SLIT3: variants seen among roughly 807,000 people sequenced by gnomAD.
The protein encoded by SLIT3 is slit homolog 3 protein.
Under a neutral mutation model 184.0 loss-of-function variants are expected in SLIT3, and 68 were observed. The ratio of observed to expected loss-of-function variants is 0.37; its 90% CI spans 0.30 to 0.45. The LOEUF is 0.45. Ranked by LOEUF, SLIT3 falls within the 20% of genes least tolerant of loss-of-function variation. The pLI is 1.00. For missense variants in SLIT3, 1,707 were observed against 2,026.0 expected (o/e 0.84, Z 3.02); for synonymous variants, 831 against 828.6 (o/e 1.00, Z -0.05).
intron 20 of SLIT3, among the ~76,000 whole-genome samples, chr5:168,735,494 T>A (rs1292412672): frequency 6.6e-6 from 1 of 152,164 alleles, no homozygotes; most frequent in African/African-American, 2.4e-5. Flanking sequence ...TTAACCTCTT[T>A]GAGCTTACAT....
At chr5:168,962,926 G>A (rs80348323) in intron 4 of SLIT3, among the ~76,000 whole-genome samples, 1,973 of 152,198 alleles carry the variant, frequency 0.013, 36 homozygotes, top group African/African-American at 0.042. Flanking sequence ...CACAGCAGCC[G>A]TTCCTTCCCC....
At chr5:168,686,843 G>T in intron 30 of SLIT3, 136 bp downstream of exon 30, 1 of 939,134 alleles carries the variant, frequency 1.1e-6, no homozygotes, top group Non-Finnish European at 1.6e-6. Flanking sequence ...GGTATCAGGG[G>T]AATAAAGGCA....
chr5:168,914,195 G>C (rs558741109), intron 4 of SLIT3, among the ~76,000 whole-genome samples: 1 of 152,320 alleles, frequency 6.6e-6, no homozygotes, highest in Non-Finnish European at 1.5e-5. Flanking sequence ...GGGACTGCTT[G>C]GTCAAAAAGG....
At chr5:169,244,570 G>A in intron 3 of SLIT3, 135 bp downstream of exon 3, 1 of 693,028 alleles carries the variant, frequency 1.4e-6, no homozygotes, top group Admixed American at 2.4e-5. Context: ...AAGTATAATA[G>A]CAAACATTCT....
rs537484475 is a variant in SLIT3 at position 169,254,142 on chromosome 5, C to T, written c.198-2683G>A. Among the ~76,000 whole-genome samples, 25 of 152,296 alleles carry T rather than the reference C, an allele frequency of 1.6e-4. No homozygotes were observed. In the South Asian group the frequency reaches 4.4e-3, roughly 27 times the overall value. On this transcript the variant is annotated intron_variant, in intron 1 of 35. Transcript: ENST00000519560. ...GAGTAACTTACTTACATTCTCTGGG[C>T]CTGCATGCTTTGTAGGAGCTTTGTC... is the stretch of plus-strand genomic sequence containing the variant.
Position 168,809,350 on chromosome 5 carries a change from C to A in SLIT3, c.794-2763G>T, listed in dbSNP as rs534401894. Among the ~76,000 whole-genome samples the A allele has an allele frequency of 1.2e-4, 18 of 152,316 alleles. No homozygotes were observed. The East Asian group carries it at 3.5e-3, about 29-fold the overall frequency. On this transcript the variant is annotated intron_variant, in intron 8 of 35. Coordinates refer to ENST00000519560, the MANE Select transcript of SLIT3 (RefSeq NM_003062.4). ...AGATTCCTTAACCAGGTCACTAACA[C>A]CACCTTTAATTAGGCAGAGAGAAAC...
intron 8 of SLIT3, among the ~76,000 whole-genome samples, chr5:168,810,278 C>T (rs1414188044): frequency 6.6e-6 from 1 of 152,228 alleles, no homozygotes; most frequent in Non-Finnish European, 1.5e-5. Context: ...ATGAAAGCAT[C>T]TGTCTGCATG....
intron 4 of SLIT3, among the ~76,000 whole-genome samples, chr5:168,920,900 T>C (rs1761615736): frequency 6.6e-6 from 1 of 152,182 alleles, no homozygotes; most frequent in African/African-American, 2.4e-5. Context: ...ATTGCATAAA[T>C]ACCCACCACA....
chr5:168,955,168 C>T (rs1449302787), intron 4 of SLIT3, among the ~76,000 whole-genome samples: 5 of 152,158 alleles, frequency 3.3e-5, no homozygotes, highest in Non-Finnish European at 7.3e-5. Context: ...CAGATTTCAA[C>T]AAGAGCAATT....
intron 4 of SLIT3, among the ~76,000 whole-genome samples, chr5:168,960,762 T>C (rs1025112467): frequency 1.5e-4 from 23 of 152,244 alleles, no homozygotes; most frequent in Non-Finnish European, 1.5e-5. Context: ...AAACCCGAGT[T>C]ATGATTGGTG....
intron 5 of SLIT3, among the ~76,000 whole-genome samples, chr5:168,870,482 C>T (rs374002918): frequency 3.9e-5 from 6 of 152,236 alleles, no homozygotes; most frequent in African/African-American, 1.4e-4. Flanking sequence ...AGACCCTCAA[C>T]CTTGGAGTTG....
At chr5:169,234,201 C>G (rs1354753997) in intron 3 of SLIT3, among the ~76,000 whole-genome samples, 3 of 152,174 alleles carry the variant, frequency 2.0e-5, no homozygotes, top group African/African-American at 4.8e-5. Flanking sequence ...CTTTGTAGCT[C>G]TACATCCTCC....
At chr5:168,856,820 CG>C (rs1758897358) in intron 5 of SLIT3, among the ~76,000 whole-genome samples, 1 of 150,254 alleles carries the variant, frequency 6.7e-6, no homozygotes, top group African/African-American at 2.5e-5. Context: ...CGCGCGCGCA[CG>C]CCTTTGTTCA....
rs1401298458 is a variant in SLIT3 at position 168,685,719 on chromosome 5, T to C, written c.3523A>G (p.Lys1175Glu). The C allele has an allele frequency of 2.5e-6, 4 of 1,577,468 alleles. No homozygotes were observed. Among genetic ancestry groups the C allele is most frequent in the Non-Finnish European group, 3.5e-6 (4 of 1,158,252 alleles). ...KDSYVELASA[K>E]VRPQANISLQ... is the part of the protein sequence containing the mutation. The stretch of plus-strand genomic sequence containing the variant: ...GAGATGTTGGCCTGGGGTCGGACCT[T>C]GGCGGAGGCCAGTTCCACGTAGGAG... The change falls in exon 31 of 36, where the codon AAG (lysine) becomes GAG (glutamate). Residue 1175 changes from lysine to glutamate, a missense_variant. By Grantham distance (56) the Lys-to-Glu change is moderately conservative. Coordinates refer to ENST00000519560, the MANE Select transcript of SLIT3 (RefSeq NM_003062.4).
chr5:169,030,858 T>C (rs146425350), intron 4 of SLIT3, among the ~76,000 whole-genome samples: 2,697 of 152,264 alleles, frequency 0.018, 31 homozygotes, highest in Non-Finnish European at 0.025. Context: ...CGTGGTATGG[T>C]TGGGAATAGA....
chr5:168,843,036 C>T (rs1758323449), intron 6 of SLIT3, among the ~76,000 whole-genome samples: 1 of 152,164 alleles, frequency 6.6e-6, no homozygotes, highest in Non-Finnish European at 1.5e-5. Flanking sequence ...GGCAGACGGG[C>T]ATTTGTTGCC....
chr5:168,793,783 G>A (rs1185178275), intron 10 of SLIT3, among the ~76,000 whole-genome samples: 4 of 99,920 alleles, frequency 4.0e-5, no homozygotes, highest in East Asian at 5.7e-4. Context: ...TAATCAAGCT[G>A]AGCTTTAAAA....
chr5:169,002,308 A>C, intron 4 of SLIT3, among the ~76,000 whole-genome samples: 1 of 133,296 alleles, frequency 7.5e-6, no homozygotes, highest in East Asian at 2.3e-4. Flanking sequence ...GAGCAACAGA[A>C]CGAGACTCTG....
At chr5:169,208,827 T>C (rs1006028687) in intron 3 of SLIT3, among the ~76,000 whole-genome samples, 3 of 152,142 alleles carry the variant, frequency 2.0e-5, no homozygotes, top group East Asian at 1.9e-4. Flanking sequence ...AAGACTTAAG[T>C]GTTAGCCCTA....
Sources: gnomAD v4.1 joint callset for allele counts (sites outside exome capture counted in the v4.1 genomes callset) on GRCh38, gnomAD v4.1.1 for gene constraint, MANE v1.5 for transcripts, NCBI Gene and HGNC (gene_info 2026-07-23, HGNC 2026-07-21) for gene names.